The following NDST4 variants were observed in gnomAD, a reference collection of about 807,000 sequenced individuals.
NDST4 encodes N-heparan sulfate sulfotransferase 4.
NDST4 carries 63 observed loss-of-function variants against 100.8 expected under a neutral mutation model. The observed-to-expected ratio is 0.62, with a 90% CI of 0.51 to 0.77. The LOEUF is 0.77. Among genes scored for constraint, NDST4 ranks in the 30% least tolerant of loss-of-function variants. NDST4 has a pLI of 0.00. For missense variants in NDST4, 943 were observed against 1,018.4 expected, an observed-to-expected ratio of 0.93 and a Z score of 1.01; for synonymous variants, 377 against 361.8, an observed-to-expected ratio of 1.04 and a Z score of -0.48.
At chr4:115,073,282 A>G (rs1020509944) in intron 2 of NDST4, among the ~76,000 whole-genome samples, 2 of 152,002 alleles carry the variant, frequency 1.3e-5, no homozygotes, top group African/African-American at 2.4e-5. Context: ...TAAAAATGGA[A>G]CTACCATATG....
chr4:114,911,962 T>C lies in NDST4; in HGVS notation c.1536+23244A>G, dbSNP rs963755963. On this transcript the variant is annotated intron_variant, in intron 6 of 13. Transcript: ENST00000264363. ...TGAAAGCAGCTGAGAGGGGGAAGTT[T>C]ATAGGCATTAGGTGCAGACAGATGT... 8.5e-5 allele frequency among the ~76,000 whole-genome samples: 13 copies of C among 152,262 alleles called. 1 individual carries two copies. Among genetic ancestry groups the C allele is most frequent in the Non-Finnish European group, 1.6e-4 (11 of 68,012 alleles).
intron 2 of NDST4, among the ~76,000 whole-genome samples, chr4:115,029,449 A>T (rs1728068147): frequency 6.6e-6 from 1 of 152,102 alleles, no homozygotes; most frequent in South Asian, 2.1e-4. Context: ...GTAAGTCTAG[A>T]TTGGAACCAG....
intron 6 of NDST4, among the ~76,000 whole-genome samples, chr4:114,912,850 T>A (rs966974002): frequency 6.6e-6 from 1 of 152,144 alleles, no homozygotes; most frequent in African/African-American, 2.4e-5. Context: ...TTTTTATATA[T>A]ATAGCCAAAT....
intron 2 of NDST4, among the ~76,000 whole-genome samples, chr4:115,030,886 G>A (rs542025567): frequency 6.6e-5 from 10 of 152,180 alleles, no homozygotes; most frequent in African/African-American, 2.4e-4. Context: ...AGAAATGGTA[G>A]TTAATTCAGA....
At chr4:115,015,787 C>G (rs1434942478) in intron 2 of NDST4, among the ~76,000 whole-genome samples, 18 of 152,080 alleles carry the variant, frequency 1.2e-4, no homozygotes. Context: ...TATCCACGGG[C>G]TCAGCAATAT....
At chr4:114,831,153 C>T (rs979424921) in intron 12 of NDST4, among the ~76,000 whole-genome samples, 1 of 150,004 alleles carries the variant, frequency 6.7e-6, no homozygotes, top group East Asian at 1.9e-4. Context: ...CCCGGGTTCA[C>T]GCCATTCTCC....
chr4:114,967,729 T>C (rs1324120424), intron 4 of NDST4, among the ~76,000 whole-genome samples: 2 of 152,180 alleles, frequency 1.3e-5, no homozygotes, highest in African/African-American at 4.8e-5. Context: ...GTACCACATT[T>C]ATGAGACATT....
intron 2 of NDST4, among the ~76,000 whole-genome samples, chr4:115,055,797 C>T (rs532104150): frequency 2.6e-5 from 4 of 152,084 alleles, no homozygotes; most frequent in African/African-American, 9.7e-5. Context: ...GCAAGATATA[C>T]AAATGAGCCA....
intron 6 of NDST4, among the ~76,000 whole-genome samples, chr4:114,927,216 TTGTGTG>T (rs10555403): frequency 0.16 from 23,661 of 147,900 alleles, 2,524 homozygotes; most frequent in African/African-American, 0.3. Context: ...TTAACTTGAT[TTGTGTG>T]TGTGTGTGTG....
At chr4:115,072,291 A>G (rs1560589489) in intron 2 of NDST4, among the ~76,000 whole-genome samples, 1 of 152,256 alleles carries the variant, frequency 6.6e-6, no homozygotes, top group East Asian at 1.9e-4. Context: ...AATGATCTGC[A>G]GATTCAATAC....
chr4:114,925,749 A>G (rs1257662131), intron 6 of NDST4, among the ~76,000 whole-genome samples: 2 of 152,160 alleles, frequency 1.3e-5, no homozygotes, highest in Non-Finnish European at 2.9e-5. Flanking sequence ...TGGAAAGTGT[A>G]ATAACTTTTC....
intron 6 of NDST4, among the ~76,000 whole-genome samples, chr4:114,928,731 A>G (rs1266408415): frequency 6.6e-6 from 1 of 152,124 alleles, no homozygotes; most frequent in Non-Finnish European, 1.5e-5. Flanking sequence ...GACTTTAATC[A>G]AGCTGTTGAA....
At chr4:115,035,218 ACT>A (rs544189763) in intron 2 of NDST4, among the ~76,000 whole-genome samples, 144 of 152,270 alleles carry the variant, frequency 9.5e-4, no homozygotes, top group Non-Finnish European at 1.9e-3. Context: ...CCATCAAAAG[ACT>A]TATGCATTTC....
intron 2 of NDST4, among the ~76,000 whole-genome samples, chr4:115,012,922 G>A (rs1727585592): frequency 6.6e-6 from 1 of 151,908 alleles, no homozygotes. Flanking sequence ...GAAACTGAAG[G>A]ACATTGTGAT....
intron 4 of NDST4, among the ~76,000 whole-genome samples, chr4:114,960,249 A>C (rs975586941): frequency 6.6e-6 from 1 of 152,250 alleles, no homozygotes; most frequent in Middle Eastern, 3.2e-3. Context: ...CTCTCTTACA[A>C]GAAATTACAA....
chr4:114,903,848 A>C (rs17047475), intron 6 of NDST4, among the ~76,000 whole-genome samples: 35,294 of 151,824 alleles, frequency 0.23, 6,868 homozygotes, highest in African/African-American at 0.54. Flanking sequence ...TTATTTTTAA[A>C]CCTCCAATAT....
rs928891828 is a variant in NDST4, at chr4:115,080,612, T to G, written c.-246-3330A>C. On this transcript the variant is annotated intron_variant, in intron 1 of 13. Coordinates refer to ENST00000264363, the MANE Select transcript of NDST4 (RefSeq NM_022569.3). Reference sequence around the variant, plus strand: ...TTATATTATATCCTCTACTTTTATGTATGCTTGAAAATTTTCATATGTAAA... The same window carrying G: ...TTATATTATATCCTCTACTTTTATGGATGCTTGAAAATTTTCATATGTAAA... Among the ~76,000 whole-genome samples, 3 of 151,494 alleles carry G rather than the reference T, an allele frequency of 2.0e-5. No homozygotes were observed. The South Asian group carries it at 6.2e-4, about 32-fold the overall frequency.
chr4:114,866,598 C>T (rs1358011817), intron 7 of NDST4, among the ~76,000 whole-genome samples: 1 of 152,098 alleles, frequency 6.6e-6, no homozygotes, highest in Admixed American at 6.5e-5. Flanking sequence ...GGCTATTGTA[C>T]TATGCTAGGT....
intron 2 of NDST4, among the ~76,000 whole-genome samples, chr4:114,984,221 C>A (rs1726848047): frequency 3.3e-5 from 5 of 151,836 alleles, no homozygotes; most frequent in Admixed American, 3.3e-4. Context: ...TGGAGTCACC[C>A]AGGCTGGAGT....
Sources: gnomAD v4.1 joint callset for allele counts (sites outside exome capture counted in the v4.1 genomes callset) on GRCh38, gnomAD v4.1.1 for gene constraint, MANE v1.5 for transcripts, NCBI Gene and HGNC (gene_info 2026-07-23, HGNC 2026-07-21) for gene names.